Variants in NIPA2 observed in about 807,000 individuals in gnomAD.
NIPA2 encodes the protein NIPA magnesium transporter 2.
NIPA2 carries 11 observed loss-of-function variants against 29.7 expected under a neutral mutation model. The observed-to-expected ratio is 0.37, with a 90% CI of 0.23 to 0.61. The LOEUF is 0.61. NIPA2 is among the 20% of genes least tolerant of loss of function. The pLI, the probability that NIPA2 is intolerant of heterozygous loss-of-function variation, is 0.66. For synonymous variants in NIPA2, 183 were observed against 161.9 expected, an observed-to-expected ratio of 1.13 and a Z score of -0.99; for missense variants, 426 against 437.9, an observed-to-expected ratio of 0.97 and a Z score of 0.24.
chr15:22,844,465 A>G (rs1026479289), intron 2 of NIPA2, among the ~76,000 whole-genome samples: 3 of 152,136 alleles, frequency 2.0e-5, no homozygotes, highest in African/African-American at 7.2e-5. Flanking sequence ...GAGGCAGGAG[A>G]CTTGCTTGAA....
At chr15:22,863,667 C>T (rs183643457) in intron 7 of NIPA2, among the ~76,000 whole-genome samples, 1 of 152,210 alleles carries the variant, frequency 6.6e-6, no homozygotes, top group Non-Finnish European at 1.5e-5. Context: ...GGGTCTTGTT[C>T]CATTCAGTTC....
chr15:22,849,764 C>T (rs866493395), intron 3 of NIPA2, among the ~76,000 whole-genome samples: 8 of 151,944 alleles, frequency 5.3e-5, no homozygotes, highest in Admixed American at 3.3e-4. Context: ...GGGGTTTCAC[C>T]GTGTTAGCCA....
chr15:22,853,372 A>G (rs2057917162), intron 5 of NIPA2, 104 bp downstream of exon 5: 2 of 635,650 alleles, frequency 3.1e-6, no homozygotes, highest in African/African-American at 2.0e-5. Context: ...GGTTTAAATA[A>G]TCTTTTTTTT....
chr15:22,843,857 C>T (rs550037850), intron 2 of NIPA2, among the ~76,000 whole-genome samples: 2 of 152,024 alleles, frequency 1.3e-5, no homozygotes, highest in Non-Finnish European at 2.9e-5. Flanking sequence ...TGGGGTTTCA[C>T]CAGGTTGGCC....
At chr15:22,850,200 C>T (rs1199568349) in intron 3 of NIPA2, among the ~76,000 whole-genome samples, 1 of 151,990 alleles carries the variant, frequency 6.6e-6, no homozygotes, top group East Asian at 1.9e-4. Flanking sequence ...GCACTTAGAT[C>T]ATGCTCACAG....
intron 2 of NIPA2, among the ~76,000 whole-genome samples, chr15:22,840,289 AGTTTTTTTTTTT>A (rs1017589858): frequency 2.7e-4 from 36 of 135,438 alleles, no homozygotes; most frequent in Middle Eastern, 4.3e-3. Flanking sequence ...CTCTATATAT[AGTTTTTTTTTTT>A]GTTTTTTTTT....
In NIPA2 at chr15:22,853,217, G is replaced by C. The variant is rs1341256946; in HGVS notation, c.145G>C (p.Gly49Arg). The C allele has an allele frequency of 6.2e-7, 1 of 1,606,800 alleles. No individual in the cohort carries two copies. The highest frequency in any genetic ancestry group is 8.5e-7 in the Non-Finnish European group (1 of 1,173,678). ...AAATATTTCTTCATTCACAGGTCAA[G>C]GTGGCCATGCATATCTTAAGGAATG... is the stretch of plus-strand genomic sequence containing the variant. ...ARKGSMRAGQ[G>R]GHAYLKEWLW... Residue 49 changes from glycine to arginine, a missense_variant, in exon 5 of 8, where the codon GGT becomes CGT. Gly to Arg is a moderately radical substitution (Grantham distance 125). This residue lies in a region of NIPA2 where 57 missense variants were observed against 66.6 expected (regional missense o/e 0.86). Transcript: ENST00000337451.
chr15:22,860,938 A>C, intron 7 of NIPA2, 149 bp downstream of exon 7: 2 of 587,518 alleles, frequency 3.4e-6, no homozygotes, highest in Non-Finnish European at 5.8e-6. Context: ...CCTCCTATCA[A>C]TCCCAAGCCT....
intron 6 of NIPA2, among the ~76,000 whole-genome samples, chr15:22,859,356 G>A (rs555684958): frequency 5.8e-5 from 8 of 137,672 alleles, no homozygotes; most frequent in Non-Finnish European, 9.1e-5. Flanking sequence ...GCAGTGGCAC[G>A]ATCTCGGCTC....
chr15:22,841,787 G>A lies in NIPA2; in HGVS notation c.-216+1997G>A, dbSNP rs199734555. ...CTCCCAAAGTGCTGGGATTATAGGC[G>A]TGAGCCACCGCGCCCGGCCGGACAC... is the stretch of plus-strand genomic sequence containing the variant. On this transcript the variant is annotated intron_variant, in intron 2 of 7. Coordinates refer to ENST00000337451, the MANE Select transcript of NIPA2 (RefSeq NM_030922.7). Among the ~76,000 whole-genome samples, 7 of 152,284 alleles carry A rather than the reference G, an allele frequency of 4.6e-5. No individual in the cohort carries two copies. In the East Asian group the frequency reaches 9.6e-4, roughly 21 times the overall value.
chr15:22,851,979 G>C (rs930091196), intron 4 of NIPA2, 109 bp downstream of exon 4: 2 of 946,904 alleles, frequency 2.1e-6, no homozygotes, highest in Admixed American at 4.8e-5. Flanking sequence ...TTGAAACTTT[G>C]AATTGTTCAA....
intron 6 of NIPA2, among the ~76,000 whole-genome samples, chr15:22,858,972 G>A (rs2058412960): frequency 1.3e-5 from 2 of 152,114 alleles, no homozygotes; most frequent in African/African-American, 4.8e-5. Flanking sequence ...GAGGTCAGAA[G>A]TTTGAGACCA....
chr15:22,867,667 A>C lies in NIPA2; in HGVS notation c.*820A>C, dbSNP rs558599211. On this transcript the variant is annotated 3_prime_UTR_variant, in exon 8 of 8. Transcript: ENST00000337451. ...ACTTTGAACAGCTCTGGGAAATAGA[A>C]GACTAGGGTTGTTTCTTAAATTTAG... The C allele has an allele frequency of 7.1e-6, 1 of 140,868 alleles. No individual in the cohort carries two copies. Among genetic ancestry groups the C allele is most frequent in the East Asian group, 2.1e-4 (1 of 4,866 alleles). The allele number at this position is 140,868 out of a possible 1,614,324, so 8.7% of individuals were successfully genotyped here. A position where few individuals can be genotyped will look rare whatever the true frequency, so the allele number is the denominator to read the frequency against.
chr15:22,847,910 G>A (rs968595734), intron 3 of NIPA2, among the ~76,000 whole-genome samples: 3 of 151,976 alleles, frequency 2.0e-5, no homozygotes, highest in Non-Finnish European at 4.4e-5. Flanking sequence ...CAATTCTCCT[G>A]CCTCAGCCTC....
intron 3 of NIPA2, among the ~76,000 whole-genome samples, chr15:22,846,999 G>A (rs892444563): frequency 6.6e-6 from 1 of 151,276 alleles, no homozygotes; most frequent in African/African-American, 2.4e-5. Context: ...TGCCTCCCGG[G>A]TTCAAGCGAT....
intron 7 of NIPA2, among the ~76,000 whole-genome samples, chr15:22,864,803 G>A (rs967002956): frequency 1.3e-5 from 2 of 152,120 alleles, no homozygotes; most frequent in Non-Finnish European, 1.5e-5. Context: ...CGCTTTCTTG[G>A]ATCTCTGTAC....
intron 5 of NIPA2, among the ~76,000 whole-genome samples, chr15:22,854,394 G>T (rs1052246939): frequency 2.0e-5 from 3 of 151,724 alleles, no homozygotes; most frequent in Non-Finnish European, 4.4e-5. Flanking sequence ...CAAAGTGCTG[G>T]GATTACAGGT....
In NIPA2 at chr15:22,866,299, C is replaced by G; in HGVS notation, c.535C>G (p.Leu179Val). 1 of 1,613,862 alleles carries G rather than the reference C, an allele frequency of 6.2e-7. No individual in the cohort carries two copies. Among genetic ancestry groups the G allele is most frequent in the South Asian group, 1.1e-5 (1 of 91,074 alleles). Residue 179 changes from leucine to valine, a missense_variant, in exon 8 of 8, where the codon CTT becomes GTT. This residue lies in a region of NIPA2 where 357 missense variants were observed against 339.8 expected (regional missense o/e 1.05). Coordinates refer to ENST00000337451, the MANE Select transcript of NIPA2 (RefSeq NM_030922.7). Reference protein sequence around the residue: ...VGPRHGQTNILVYITICSVIG... With the variant: ...VGPRHGQTNIVVYITICSVIG... Reference sequence around the variant, plus strand: ...TCCTCGCCATGGACAGACAAACATTCTTGTGTACATAACAATCTGCTCTGT... The same window carrying G: ...TCCTCGCCATGGACAGACAAACATTGTTGTGTACATAACAATCTGCTCTGT...
rs374803641 is a variant in NIPA2 at position 22,840,489 on chromosome 15, G to C, written c.-216+699G>C. Among the ~76,000 whole-genome samples, 122 of 151,920 alleles carry C rather than the reference G, an allele frequency of 8.0e-4. 2 individuals are homozygous for C. The East Asian group carries it at 0.018, about 23-fold the overall frequency. ...ATTTTTGTATTTTTAGTAGAGACGG[G>C]GGTTTCACCTTGTTGGCCAGGCTGG... On this transcript the variant is annotated intron_variant, in intron 2 of 7. Coordinates refer to ENST00000337451, the MANE Select transcript of NIPA2 (RefSeq NM_030922.7).
Sources: allele counts gnomAD v4.1 joint callset (sites outside exome capture counted in the v4.1 genomes callset), GRCh38; gene constraint gnomAD v4.1.1; regional missense constraint gnomAD v4.1.1; transcripts MANE v1.5; gene names NCBI Gene and HGNC (gene_info 2026-07-23, HGNC 2026-07-21).